The following CCSER1 variants were observed in gnomAD, a reference collection of about 807,000 sequenced individuals.
CCSER1 encodes serine-rich coiled-coil domain-containing protein 1.
Under a neutral mutation model 82.0 loss-of-function variants are expected in CCSER1, and 41 were observed. The ratio of observed to expected loss-of-function variants is 0.50; its 90% CI spans 0.39 to 0.65. The LOEUF (loss-of-function observed/expected upper bound fraction) is 0.65, where lower values mean the gene tolerates loss of function less well. Among genes scored for constraint, CCSER1 ranks in the 30% least tolerant of loss-of-function variants. The probability of loss-of-function intolerance (pLI) is 0.00; values close to 1 mark genes in which losing one functional copy is unlikely to be tolerated. For synonymous variants in CCSER1, 414 were observed against 383.9 expected (o/e 1.08, Z -0.92); for missense variants, 1,119 against 1,064.2 (o/e 1.05, Z -0.72).
chr4:90,479,922 T>C (rs1019218120), intron 5 of CCSER1, among the ~76,000 whole-genome samples: 2 of 152,218 alleles, frequency 1.3e-5, no homozygotes, highest in African/African-American at 2.4e-5. Context: ...AAATGGTATT[T>C]CTAGTTCCAG....
chr4:91,360,654 A>G (rs78928013), intron 10 of CCSER1, among the ~76,000 whole-genome samples: 41,947 of 151,512 alleles, frequency 0.28, 6,567 homozygotes, highest in Middle Eastern at 0.43. Context: ...CCAACAAGAC[A>G]GCCATAACCA....
At chr4:91,377,131 T>A (rs759226947) in intron 10 of CCSER1, among the ~76,000 whole-genome samples, 2 of 152,242 alleles carry the variant, frequency 1.3e-5, no homozygotes, top group Middle Eastern at 3.2e-3. Flanking sequence ...TGTCACATTT[T>A]CTTAATCCAG....
chr4:91,346,972 G>C (rs1748104066), intron 10 of CCSER1, among the ~76,000 whole-genome samples: 1 of 151,772 alleles, frequency 6.6e-6, no homozygotes, highest in Non-Finnish European at 1.5e-5. Context: ...CAGAGCAAAA[G>C]TTTTAGTTTT....
intron 1 of CCSER1, among the ~76,000 whole-genome samples, chr4:90,286,862 T>G (rs772669991): frequency 2.6e-5 from 4 of 152,038 alleles, no homozygotes; most frequent in Non-Finnish European, 4.4e-5. Flanking sequence ...CCTGTCTTCA[T>G]GACTTGATTT....
intron 10 of CCSER1, among the ~76,000 whole-genome samples, chr4:91,470,128 A>G (rs1429957039): frequency 6.6e-6 from 1 of 152,226 alleles, no homozygotes; most frequent in Non-Finnish European, 1.5e-5. Context: ...GCCATGGGCT[A>G]ATCGTATCTT....
At chr4:90,751,312 G>T (rs923778231) in intron 7 of CCSER1, among the ~76,000 whole-genome samples, 40 of 152,202 alleles carry the variant, frequency 2.6e-4, no homozygotes, top group African/African-American at 9.6e-4. Flanking sequence ...GAGTAATTAG[G>T]TTATGTGCTA....
chr4:90,230,851 C>A (rs1464691651), intron 1 of CCSER1, among the ~76,000 whole-genome samples: 1 of 152,162 alleles, frequency 6.6e-6, no homozygotes, highest in Non-Finnish European at 1.5e-5. Flanking sequence ...CACCTCTACG[C>A]AAATAAACCA....
At chr4:90,387,074 A>T (rs544698442) in intron 3 of CCSER1, among the ~76,000 whole-genome samples, 2 of 152,310 alleles carry the variant, frequency 1.3e-5, no homozygotes, top group East Asian at 3.8e-4. Context: ...GTTAATTTTT[A>T]TTACCAGAAT....
intron 6 of CCSER1, among the ~76,000 whole-genome samples, chr4:90,630,266 G>T (rs1197797790): frequency 6.6e-6 from 1 of 152,182 alleles, no homozygotes; most frequent in Non-Finnish European, 1.5e-5. Flanking sequence ...TGTTATATTA[G>T]AAGATACTAG....
intron 10 of CCSER1, among the ~76,000 whole-genome samples, chr4:91,470,057 G>A (rs895623754): frequency 1.1e-4 from 17 of 152,152 alleles, no homozygotes; most frequent in African/African-American, 4.1e-4. Flanking sequence ...AAGTCCGACT[G>A]TTAAATCTGT....
At chr4:90,499,357 T>G (rs1274100800) in intron 5 of CCSER1, among the ~76,000 whole-genome samples, 2 of 152,176 alleles carry the variant, frequency 1.3e-5, no homozygotes, top group Non-Finnish European at 2.9e-5. Flanking sequence ...TCTCTATATA[T>G]GAAATGCTGC....
intron 4 of CCSER1, among the ~76,000 whole-genome samples, chr4:90,416,447 C>A (rs766448078): frequency 1.2e-4 from 19 of 152,122 alleles, no homozygotes; most frequent in Non-Finnish European, 2.4e-4. Flanking sequence ...CCCACAGTTG[C>A]TTTCAACAAA....
intron 4 of CCSER1, among the ~76,000 whole-genome samples, chr4:90,467,847 C>T (rs1013683434): frequency 4.6e-5 from 7 of 152,160 alleles, no homozygotes; most frequent in African/African-American, 1.7e-4. Flanking sequence ...AGGGGTACCA[C>T]AGGAGGATTT....
At chr4:91,304,176 A>T (rs1226486600) in intron 10 of CCSER1, among the ~76,000 whole-genome samples, 1 of 152,046 alleles carries the variant, frequency 6.6e-6, no homozygotes, top group African/African-American at 2.4e-5. Context: ...ACTTTTATTG[A>T]TGGCAACTCT....
At chr4:91,594,652 T>C (rs999307477) in intron 10 of CCSER1, among the ~76,000 whole-genome samples, 1 of 151,904 alleles carries the variant, frequency 6.6e-6, no homozygotes, top group African/African-American at 2.4e-5. Context: ...CCTAGAATTT[T>C]AGAATTGGAA....
At chr4:90,546,699 T>C (rs895208109) in intron 5 of CCSER1, among the ~76,000 whole-genome samples, 4 of 152,154 alleles carry the variant, frequency 2.6e-5, no homozygotes, top group African/African-American at 9.6e-5. Context: ...ATTTTCTTTT[T>C]ACTGGAAACA....
chr4:91,066,936 C>A (rs560628586), intron 9 of CCSER1, among the ~76,000 whole-genome samples: 2 of 151,748 alleles, frequency 1.3e-5, no homozygotes, highest in Non-Finnish European at 2.9e-5. Context: ...AAGGCTGAGG[C>A]GGGCAGATCA....
intron 10 of CCSER1, among the ~76,000 whole-genome samples, chr4:91,352,156 T>C (rs1438380956): frequency 6.6e-6 from 1 of 152,258 alleles, no homozygotes; most frequent in Non-Finnish European, 1.5e-5. Flanking sequence ...TTTATATACC[T>C]GACTACTTTA....
chr4:90,903,489 T>C (rs1210937266), intron 8 of CCSER1, among the ~76,000 whole-genome samples: 2 of 152,068 alleles, frequency 1.3e-5, no homozygotes, highest in African/African-American at 4.8e-5. Context: ...GAAAACAGAC[T>C]AATATACATA....
Sources: allele counts gnomAD v4.1 joint callset (sites outside exome capture counted in the v4.1 genomes callset), GRCh38; gene constraint gnomAD v4.1.1; transcripts MANE v1.5; gene names NCBI Gene and HGNC (gene_info 2026-07-23, HGNC 2026-07-21).